PIP5K1B: variants seen among roughly 807,000 people sequenced by gnomAD.
PIP5K1B encodes the protein phosphatidylinositol-4-phosphate 5-kinase type 1 beta.
A neutral mutation model predicts 67.0 loss-of-function variants in PIP5K1B; 42 were observed. The observed-to-expected ratio is 0.63, with a 90% CI of 0.49 to 0.81. PIP5K1B has a LOEUF of 0.81. PIP5K1B is among the 30% of genes least tolerant of loss of function. PIP5K1B has a pLI of 0.00. For missense variants in PIP5K1B, 459 were observed against 646.3 expected, an observed-to-expected ratio of 0.71 and a Z score of 3.14; for synonymous variants, 214 against 231.4, an observed-to-expected ratio of 0.92 and a Z score of 0.68.
intron 2 of PIP5K1B, chr9:68,780,102 A>G: frequency 2.0e-6 from 3 of 1,466,516 alleles, no homozygotes; most frequent in Non-Finnish European, 2.7e-6. Flanking sequence ...GCGGCCCTGG[A>G]CTGCGGGGAA....
intron 14 of PIP5K1B, chr9:68,963,325 A>G (rs1014868223): frequency 1.9e-5 from 8 of 426,098 alleles, no homozygotes; most frequent in Non-Finnish European, 3.8e-5. Context: ...CAATATGGTG[A>G]AACCCCATCT....
chr9:68,826,388 G>A (rs768828490), intron 4 of PIP5K1B, among the ~76,000 whole-genome samples: 21 of 152,184 alleles, frequency 1.4e-4, no homozygotes, highest in Non-Finnish European at 2.6e-4. Context: ...ATGAATGCTC[G>A]CCCAGGGTTG....
chr9:68,716,137 A>C (rs548436063), intron 1 of PIP5K1B, among the ~76,000 whole-genome samples: 1 of 152,358 alleles, frequency 6.6e-6, no homozygotes. Context: ...AGAGATGTGA[A>C]GGAATGGGAA....
intron 2 of PIP5K1B, among the ~76,000 whole-genome samples, chr9:68,803,951 G>C (rs1170201955): frequency 6.6e-6 from 1 of 152,160 alleles, no homozygotes; most frequent in Non-Finnish European, 1.5e-5. Flanking sequence ...AGTTGAGGAA[G>C]GTCATGAATG....
chr9:68,954,561 G>T (rs753903907), intron 14 of PIP5K1B, among the ~76,000 whole-genome samples: 1 of 152,214 alleles, frequency 6.6e-6, no homozygotes, highest in Admixed American at 6.5e-5. Flanking sequence ...GTTTCTGATT[G>T]TGTGTGGACA....
In PIP5K1B at chr9:68,880,091, G is replaced by C. The variant is rs796444846; in HGVS notation, c.318+3297G>C. Among the ~76,000 whole-genome samples, 5 of 152,264 alleles carry C rather than the reference G, an allele frequency of 3.3e-5. No homozygotes were observed. The East Asian group carries it at 9.6e-4, about 29-fold the overall frequency. Reference sequence around the variant, plus strand: ...CCCCCCTACAAAAAGAAAAATCTGAGGGAAGTAGGGCAGCAGAGTGGTTGG... The same window carrying C: ...CCCCCCTACAAAAAGAAAAATCTGACGGAAGTAGGGCAGCAGAGTGGTTGG... On this transcript the variant is annotated intron_variant, in intron 6 of 15. Transcript: ENST00000265382.
intron 14 of PIP5K1B, among the ~76,000 whole-genome samples, chr9:68,941,840 G>A (rs918151246): frequency 6.6e-6 from 1 of 152,190 alleles, no homozygotes; most frequent in African/African-American, 2.4e-5. Flanking sequence ...AAGTTTGCTA[G>A]TCGGACCTGC....
At chr9:68,914,225 A>G (rs1215349768) in intron 8 of PIP5K1B, among the ~76,000 whole-genome samples, 1 of 152,166 alleles carries the variant, frequency 6.6e-6, no homozygotes, top group Non-Finnish European at 1.5e-5. Flanking sequence ...TCATTCATGG[A>G]TACTCTGTGG....
chr9:68,840,958 T>C (rs1821889493), intron 4 of PIP5K1B, among the ~76,000 whole-genome samples: 1 of 152,230 alleles, frequency 6.6e-6, no homozygotes, highest in Non-Finnish European at 1.5e-5. Flanking sequence ...CTGCAGCTCT[T>C]TGTTATGCCT....
At chr9:68,755,882 G>T (rs1829901801) in intron 2 of PIP5K1B, among the ~76,000 whole-genome samples, 1 of 152,170 alleles carries the variant, frequency 6.6e-6, no homozygotes, top group Non-Finnish European at 1.5e-5. Flanking sequence ...CAGAGAGCCT[G>T]AAAAACAATG....
chr9:68,914,159 G>A (rs952075106), intron 8 of PIP5K1B, among the ~76,000 whole-genome samples: 1 of 152,056 alleles, frequency 6.6e-6, no homozygotes, highest in African/African-American at 2.4e-5. Flanking sequence ...AATATTGCAT[G>A]ACAATATAAA....
chr9:68,841,562 G>A (rs1044099046), intron 4 of PIP5K1B, among the ~76,000 whole-genome samples: 3 of 152,040 alleles, frequency 2.0e-5, no homozygotes, highest in Non-Finnish European at 2.9e-5. Context: ...TCCATCTTTC[G>A]TCCCACAGTT....
intron 7 of PIP5K1B, among the ~76,000 whole-genome samples, chr9:68,889,702 T>A (rs1332312512): frequency 1.5e-5 from 2 of 131,202 alleles, no homozygotes; most frequent in Non-Finnish European, 3.1e-5. Context: ...GCCACTGCAC[T>A]CCAGCCTGGG....
At position 68,935,015 on chromosome 9, in the gene PIP5K1B, G is replaced by C; in HGVS notation, c.1327G>C (p.Gly443Arg). ...TGAGAAGCGGGATTTGCTGACTGAA[G>C]GACAAAGTTTTAGCAGCCTTGATGA... ...KDEKRDLLTE[G>R]QSFSSLDEEA... The change falls in exon 13 of 16, where the codon GGA (glycine) becomes CGA (arginine). Residue 443 changes from glycine (G) to arginine (R), a missense_variant. Physicochemically the swap from Gly to Arg is moderately radical, Grantham distance 125 (BLOSUM62 -2). Around this residue, in one of 2 missense-constraint regions of PIP5K1B, gnomAD observed 169 missense variants for 171.9 expected, o/e 0.98. Transcript: ENST00000265382. 1 of 1,613,478 alleles carries C rather than the reference G, an allele frequency of 6.2e-7. No individual in the cohort carries two copies.
intron 2 of PIP5K1B, among the ~76,000 whole-genome samples, chr9:68,757,934 G>A (rs976516660): frequency 3.9e-5 from 6 of 152,086 alleles, no homozygotes; most frequent in African/African-American, 1.4e-4. Context: ...GTGGCAGGAC[G>A]ATGAGGGGAA....
intron 2 of PIP5K1B, among the ~76,000 whole-genome samples, chr9:68,809,037 C>G (rs35143858): frequency 5.5e-4 from 83 of 152,258 alleles, no homozygotes; most frequent in Middle Eastern, 6.8e-3. Flanking sequence ...GTAGAAGTGG[C>G]CTCCATTGTA....
intron 14 of PIP5K1B, among the ~76,000 whole-genome samples, chr9:68,959,545 A>C (rs1828598806): frequency 6.6e-6 from 1 of 151,906 alleles, no homozygotes; most frequent in African/African-American, 2.4e-5. Context: ...TGCTATTTCC[A>C]GTTTTTTTGT....
rs141088042 is a variant in PIP5K1B at position 68,882,514 on chromosome 9, C to G, written c.318+5720C>G. Among the ~76,000 whole-genome samples the G allele has an allele frequency of 6.6e-5, 10 of 152,138 alleles. No homozygotes were observed. In the East Asian group the frequency reaches 1.9e-3, roughly 29 times the overall value. ...AAATAGTCTTCATATTATGTCACTG[C>G]ATTTTTTTTTAATGTCACTGCTTAT... On this transcript the variant is annotated intron_variant, in intron 6 of 15. Coordinates refer to ENST00000265382, the MANE Select transcript of PIP5K1B (RefSeq NM_003558.4).
intron 14 of PIP5K1B, among the ~76,000 whole-genome samples, chr9:68,965,126 C>T (rs1828951048): frequency 6.6e-6 from 1 of 152,204 alleles, no homozygotes; most frequent in African/African-American, 2.4e-5. Context: ...TGACCAGCTA[C>T]ACTACTTTAC....
Sources: allele counts gnomAD v4.1 joint callset (sites outside exome capture counted in the v4.1 genomes callset), GRCh38; gene constraint gnomAD v4.1.1; regional missense constraint gnomAD v4.1.1; transcripts MANE v1.5; gene names NCBI Gene and HGNC (gene_info 2026-07-23, HGNC 2026-07-21).